SLC12A6: variants seen among roughly 807,000 people sequenced by gnomAD.
The protein encoded by SLC12A6 is solute carrier family 12 member 6.
Under a neutral mutation model 135.3 loss-of-function variants are expected in SLC12A6, and 66 were observed. That is an observed-to-expected ratio of 0.49 (90% confidence interval 0.40 to 0.60). The LOEUF (loss-of-function observed/expected upper bound fraction) is 0.60. Among genes scored for constraint, SLC12A6 ranks in the 20% least tolerant of loss-of-function variants. The pLI, the probability that SLC12A6 is intolerant of heterozygous loss-of-function variation, is 0.00. For missense variants in SLC12A6, 1,058 were observed against 1,452.3 expected (o/e 0.73, Z 4.41); for synonymous variants, 513 against 508.8 (o/e 1.01, Z -0.11).
At chr15:34,327,896 T>G (rs929861518) in intron 2 of SLC12A6, among the ~76,000 whole-genome samples, 1 of 152,148 alleles carries the variant, frequency 6.6e-6, no homozygotes, top group Non-Finnish European at 1.5e-5. Flanking sequence ...GAAATTCAGG[T>G]GCTACTTTGC....
chr15:34,255,991 A>G (rs1566816945), intron 7 of SLC12A6, among the ~76,000 whole-genome samples: 1 of 152,260 alleles, frequency 6.6e-6, no homozygotes, highest in East Asian at 1.9e-4. Context: ...ATTCCAACTA[A>G]TAAAAGCTAA....
chr15:34,332,485 A>T (rs1489897776), intron 2 of SLC12A6, among the ~76,000 whole-genome samples: 1 of 152,188 alleles, frequency 6.6e-6, no homozygotes, highest in Non-Finnish European at 1.5e-5. Flanking sequence ...AAAAGGTTGA[A>T]ATGTATTAGG....
chr15:34,264,427 G>C (rs1893357730), intron 3 of SLC12A6, among the ~76,000 whole-genome samples: 1 of 152,210 alleles, frequency 6.6e-6, no homozygotes, highest in African/African-American at 2.4e-5. Flanking sequence ...GGAGGAATAT[G>C]TTAAACATTA....
chr15:34,304,060 A>G (rs1173064759), intron 2 of SLC12A6, among the ~76,000 whole-genome samples: 1 of 152,182 alleles, frequency 6.6e-6, no homozygotes, highest in African/African-American at 2.4e-5. Context: ...TCAGCAGGCT[A>G]ATCCCCATCT....
At chr15:34,265,086 A>G (rs1443544419) in intron 3 of SLC12A6, among the ~76,000 whole-genome samples, 1 of 152,216 alleles carries the variant, frequency 6.6e-6, no homozygotes, top group Non-Finnish European at 1.5e-5. Flanking sequence ...AGTCCCAGCT[A>G]CTTGGGAGGC....
intron 13 of SLC12A6, among the ~76,000 whole-genome samples, chr15:34,247,452 G>A (rs1025543517): frequency 1.3e-5 from 2 of 152,054 alleles, no homozygotes; most frequent in Non-Finnish European, 2.9e-5. Context: ...GGGAGGCAGA[G>A]GTTGCAGTGA....
Position 34,251,130 on chromosome 15 carries a change from C to T in SLC12A6, c.1334-73G>A, listed in dbSNP as rs187779681. ...AAAGATAATTAATTTTCTACCCAAA[C>T]ATTCAAAATCAGGCTCCTCATTTAT... is the stretch of plus-strand genomic sequence containing the variant. On this transcript the variant is annotated intron_variant, in intron 10 of 25. Transcript: ENST00000354181. 1.8e-4 allele frequency: 199 copies of T among 1,129,042 alleles called. No homozygotes were observed. In the East Asian group the frequency reaches 4.4e-3, roughly 25 times the overall value. The allele number at this position is 1,129,042 out of a possible 1,614,324, so 69.9% of individuals were successfully genotyped here. A position where few individuals can be genotyped will look rare whatever the true frequency, so the allele number is the denominator to read the frequency against.
intron 3 of SLC12A6, among the ~76,000 whole-genome samples, chr15:34,274,700 C>T (rs1894181648): frequency 1.3e-5 from 2 of 152,104 alleles, no homozygotes; most frequent in African/African-American, 4.8e-5. Flanking sequence ...GTAGTCCCAG[C>T]TACTTGGGAG....
chr15:34,276,223 T>C (rs1315103336), intron 2 of SLC12A6, among the ~76,000 whole-genome samples: 1 of 152,204 alleles, frequency 6.6e-6, no homozygotes, highest in African/African-American at 2.4e-5. Flanking sequence ...GATTGTGATA[T>C]GAATTATATT....
chr15:34,307,524 T>C (rs1896679141), intron 2 of SLC12A6, among the ~76,000 whole-genome samples: 1 of 152,210 alleles, frequency 6.6e-6, no homozygotes, highest in Non-Finnish European at 1.5e-5. Context: ...GGTCTCACTA[T>C]GTTCTCAGGC....
intron 15 of SLC12A6, among the ~76,000 whole-genome samples, chr15:34,244,304 C>T (rs913546919): frequency 2.6e-5 from 4 of 152,216 alleles, no homozygotes; most frequent in African/African-American, 7.2e-5. Flanking sequence ...ATCCAGGTTT[C>T]CTCTTCCTTA....
At chr15:34,265,323 G>A (rs1223314501) in intron 3 of SLC12A6, among the ~76,000 whole-genome samples, 1 of 151,682 alleles carries the variant, frequency 6.6e-6, no homozygotes, top group African/African-American at 2.4e-5. Context: ...AGTGGACATG[G>A]CAGTTAAAGA....
chr15:34,235,936 T>A lies in SLC12A6; in HGVS notation c.3227+79A>T. On this transcript the variant is annotated intron_variant, in intron 24 of 25. Coordinates refer to ENST00000354181, the MANE Select transcript of SLC12A6 (RefSeq NM_001365088.1). The stretch of plus-strand genomic sequence containing the variant: ...TTCAGGGTGAAATGAACAGACTCCA[T>A]CCTGTGTGTCCAGGCAAAGTCACAT... 4 of 1,080,952 alleles carry A rather than the reference T, an allele frequency of 3.7e-6. No individual in the cohort carries two copies. The South Asian group carries it at 3.7e-5, about 10-fold the overall frequency. The allele number at this position is 1,080,952 out of a possible 1,614,324, so 67.0% of individuals were successfully genotyped here. A position where few individuals can be genotyped will look rare whatever the true frequency, so the allele number is the denominator to read the frequency against.
chr15:34,303,703 A>C (rs1297422170), intron 2 of SLC12A6, among the ~76,000 whole-genome samples: 1 of 152,172 alleles, frequency 6.6e-6, no homozygotes, highest in Non-Finnish European at 1.5e-5. Context: ...TAATGTCATT[A>C]TCAAGAGAGT....
chr15:34,244,010 G>T lies in SLC12A6; in HGVS notation c.2006C>A (p.Thr669Lys). The T allele has an allele frequency of 6.2e-7, 1 of 1,609,314 alleles. No homozygotes were observed. The highest frequency in any genetic ancestry group is 8.5e-7 in the Non-Finnish European group (1 of 1,175,552). The change falls in exon 16 of 26, where the codon ACA becomes AAA. Residue 669 changes from threonine to lysine, a missense_variant. This residue lies in a region of SLC12A6 where 170 missense variants were observed against 297.6 expected (regional missense o/e 0.57). Coordinates refer to ENST00000354181, the MANE Select transcript of SLC12A6 (RefSeq NM_001365088.1). The stretch of plus-strand genomic sequence containing the variant: ...GCGGAATCGGGGTCTCCAGTTGGGT[G>T]TTCGAAGTAATGTTTGCAAGGCACA... ...LACALQTLLRTPNWRPRFRYY... is the reference protein window; with the variant it reads ...LACALQTLLRKPNWRPRFRYY...
chr15:34,328,198 CA>C (rs1889604402), intron 2 of SLC12A6, among the ~76,000 whole-genome samples: 1 of 151,806 alleles, frequency 6.6e-6, no homozygotes, highest in Admixed American at 6.6e-5. Context: ...TTTTCAACTA[CA>C]AAAACTGAAA....
At chr15:34,334,411 C>T (rs1383246267) in intron 2 of SLC12A6, among the ~76,000 whole-genome samples, 4 of 152,062 alleles carry the variant, frequency 2.6e-5, no homozygotes, top group Non-Finnish European at 2.9e-5. Context: ...TTCTTCACAA[C>T]AGCACCCTTT....
intron 2 of SLC12A6, among the ~76,000 whole-genome samples, chr15:34,308,647 A>C (rs1444960446): frequency 1.3e-5 from 2 of 151,440 alleles, no homozygotes; most frequent in South Asian, 2.1e-4. Flanking sequence ...AAAAAAAAAA[A>C]AAAAACAAAC....
chr15:34,277,122 T>G (rs1437160551), intron 2 of SLC12A6, among the ~76,000 whole-genome samples: 1 of 152,186 alleles, frequency 6.6e-6, no homozygotes, highest in Non-Finnish European at 1.5e-5. Flanking sequence ...TTTAAACTTA[T>G]CTTACTTCCC....
Sources: allele counts gnomAD v4.1 joint callset (sites outside exome capture counted in the v4.1 genomes callset), GRCh38; gene constraint gnomAD v4.1.1; regional missense constraint gnomAD v4.1.1; transcripts MANE v1.5; gene names NCBI Gene and HGNC (gene_info 2026-07-23, HGNC 2026-07-21).